PIP4P2: variants seen among roughly 807,000 people sequenced by gnomAD.
PIP4P2 encodes the protein type 2 phosphatidylinositol 4,5-bisphosphate 4-phosphatase.
In PIP4P2, 19 loss-of-function variants were observed where a neutral mutation model predicts 33.3. The ratio of observed to expected loss-of-function variants is 0.57; its 90% CI spans 0.40 to 0.84. The LOEUF (loss-of-function observed/expected upper bound fraction) is 0.84, where lower values mean the gene tolerates loss of function less well. Among genes scored for constraint, PIP4P2 ranks in the 40% least tolerant of loss-of-function variants. The pLI is 0.00. For synonymous variants in PIP4P2, 110 were observed against 111.9 expected (o/e 0.98, Z 0.11); for missense variants, 270 against 324.7 (o/e 0.83, Z 1.29).
intron 1 of PIP4P2, among the ~76,000 whole-genome samples, chr8:91,034,088 G>A (rs1455698558): frequency 6.6e-6 from 1 of 151,986 alleles, no homozygotes. Context: ...TTTCCTGGAC[G>A]CTCATCTCAA....
chr8:91,040,838 T>TGCTGCC lies in PIP4P2; in HGVS notation c.-95_-90dup, dbSNP rs1812298243. The stretch of plus-strand genomic sequence containing the variant: ...CTACTGCTGCTGCCTCTGCTGCCGC[T>TGCTGCC]GCTGCCGCTGCAGCTGCTGCTGCTG... On this transcript the variant is annotated 5_prime_UTR_variant, in exon 1 of 7. Transcript: ENST00000285419. The TGCTGCC allele has an allele frequency of 9.0e-7, 1 of 1,107,750 alleles. No individual in the cohort carries two copies. Among genetic ancestry groups the TGCTGCC allele is most frequent in the Non-Finnish European group, 1.3e-6 (1 of 788,588 alleles). 68.6% of individuals were successfully genotyped at this position (1,107,750 alleles called of 1,614,324 possible). A position where few individuals can be genotyped will look rare whatever the true frequency, so the allele number is the denominator to read the frequency against.
intron 4 of PIP4P2, among the ~76,000 whole-genome samples, chr8:91,015,372 C>A (rs190179235): frequency 6.6e-6 from 1 of 152,008 alleles, no homozygotes; most frequent in East Asian, 1.9e-4. Flanking sequence ...GAGGAGGAGA[C>A]AGTTTTCACC....
rs554289062 is a variant in PIP4P2, at chr8:90,994,806, A to G, written c.*871T>C. ...TTACCATGATCTAAGGGAAAGGGGC[A>G]CAACCCAATGTAAATATATCTTTGG... On this transcript the variant is annotated 3_prime_UTR_variant, in exon 7 of 7. Coordinates refer to ENST00000285419, the MANE Select transcript of PIP4P2 (RefSeq NM_018710.3). The G allele has an allele frequency of 6.6e-6, 1 of 152,236 alleles. No homozygotes were observed. The highest frequency in any genetic ancestry group is 6.5e-5 in the Admixed American group (1 of 15,294). 9.4% of individuals were successfully genotyped at this position (152,236 alleles called of 1,614,324 possible).
At chr8:91,028,389 G>T (rs376688749) in intron 1 of PIP4P2, among the ~76,000 whole-genome samples, 8 of 152,148 alleles carry the variant, frequency 5.3e-5, no homozygotes, top group African/African-American at 1.9e-4. Context: ...CTATTTACAA[G>T]ACTGTGTACT....
rs1036472756 is a variant in PIP4P2 at position 90,999,837 on chromosome 8, T to TATA, written c.540-3096_540-3094dup. Among the ~76,000 whole-genome samples the TATA allele has an allele frequency of 4.3e-4, 65 of 152,082 alleles. 1 individual carries two copies. The highest frequency in any genetic ancestry group is 6.9e-4 in the Non-Finnish European group (47 of 67,952). ...TCATGTGTTCCTTCCTCAAATTGTATATAGCTGTTCTTACATCTAGTCTTA... is the reference window on the plus strand; with the variant it reads ...TCATGTGTTCCTTCCTCAAATTGTATATAATAGCTGTTCTTACATCTAGTCTTA... On this transcript the variant is annotated intron_variant, in intron 5 of 6. Coordinates refer to ENST00000285419, the MANE Select transcript of PIP4P2 (RefSeq NM_018710.3).
intron 3 of PIP4P2, among the ~76,000 whole-genome samples, chr8:91,019,649 T>A (rs997158969): frequency 4.0e-5 from 6 of 150,926 alleles, no homozygotes; most frequent in African/African-American, 2.4e-5. Flanking sequence ...TCATAGCTCA[T>A]TGAAGGCTTT....
chr8:91,004,092 G>GTTCT (rs1172544863), intron 5 of PIP4P2, among the ~76,000 whole-genome samples: 2 of 152,118 alleles, frequency 1.3e-5, no homozygotes, highest in Admixed American at 1.3e-4. Flanking sequence ...CAGGGGATCT[G>GTTCT]TAAGAGTCCC....
At chr8:91,026,606 C>A (rs1812087198) in intron 1 of PIP4P2, among the ~76,000 whole-genome samples, 1 of 152,136 alleles carries the variant, frequency 6.6e-6, no homozygotes, top group Admixed American at 6.6e-5. Flanking sequence ...GTTTACCTTA[C>A]AGTTACCTAG....
intron 1 of PIP4P2, among the ~76,000 whole-genome samples, chr8:91,036,621 A>C (rs1235476105): frequency 6.6e-6 from 1 of 152,204 alleles, no homozygotes; most frequent in Non-Finnish European, 1.5e-5. Context: ...TTATTACAAT[A>C]ATCAAGGAAG....
intron 1 of PIP4P2, 100 bp from the exon 2 acceptor site, chr8:91,021,504 T>TC: frequency 7.3e-7 from 1 of 1,369,138 alleles, no homozygotes; most frequent in South Asian, 1.5e-5. Context: ...ATCAAGATTT[T>TC]CCCACGTTCT....
Position 91,018,459 on chromosome 8 carries a change from A to G in PIP4P2, c.417T>C (p.Ala139=). Residue 139 remains alanine, a synonymous_variant, in exon 4 of 7, where the codon GCT becomes GCC. Transcript: ENST00000285419. The part of the protein sequence containing the change: ...PVMLISEEQP[A]QPALPIQPEG... ...CTGGTTGGATTGGCAATGCAGGCTG[A>G]GCTGGTTGTTCTTCAGAAATAAGCA... The G allele has an allele frequency of 3.7e-6, 6 of 1,614,016 alleles. No homozygotes were observed. The highest frequency in any genetic ancestry group is 5.1e-6 in the Non-Finnish European group (6 of 1,179,930).
At chr8:91,026,803 C>G (rs1812089030) in intron 1 of PIP4P2, among the ~76,000 whole-genome samples, 1 of 152,112 alleles carries the variant, frequency 6.6e-6, no homozygotes, top group Non-Finnish European at 1.5e-5. Flanking sequence ...AAACTCCTTA[C>G]CAATGGGAAA....
intron 5 of PIP4P2, among the ~76,000 whole-genome samples, chr8:91,002,236 T>C (rs1044801648): frequency 6.6e-6 from 1 of 152,136 alleles, no homozygotes; most frequent in Non-Finnish European, 1.5e-5. Flanking sequence ...CCAACTGTCA[T>C]ATGAGCTGAG....
At chr8:91,018,548 C>G in intron 3 of PIP4P2, 35 bp from the exon 4 acceptor site, 1 of 1,612,854 alleles carries the variant, frequency 6.2e-7, no homozygotes, top group Non-Finnish European at 8.5e-7. Context: ...TTCACTATCC[C>G]ACAAATGGAC....
chr8:91,005,356 G>A (rs2130354501), intron 5 of PIP4P2, among the ~76,000 whole-genome samples: 1 of 152,048 alleles, frequency 6.6e-6, no homozygotes, highest in South Asian at 2.1e-4. Flanking sequence ...TCCTTCTACA[G>A]TGCACCCTCT....
intron 4 of PIP4P2, among the ~76,000 whole-genome samples, chr8:91,011,563 C>T (rs1158926037): frequency 6.6e-6 from 1 of 151,962 alleles, no homozygotes; most frequent in Non-Finnish European, 1.5e-5. Flanking sequence ...ATGGTATATG[C>T]TAAAACTGCT....
intron 5 of PIP4P2, among the ~76,000 whole-genome samples, chr8:91,006,438 C>T (rs553720395): frequency 2.0e-5 from 3 of 152,292 alleles, no homozygotes; most frequent in East Asian, 3.9e-4. Context: ...TAACAAATCA[C>T]GGAGTATTCA....
rs898261156 is a variant in PIP4P2 at position 90,994,313 on chromosome 8, T to C, written c.*1364A>G. 6.6e-6 allele frequency: 1 copy of C among 152,150 alleles called. No individual in the cohort carries two copies. The highest frequency in any genetic ancestry group is 1.5e-5 in the Non-Finnish European group (1 of 67,966). 9.4% of individuals were successfully genotyped at this position (152,150 alleles called of 1,614,324 possible). On this transcript the variant is annotated 3_prime_UTR_variant, in exon 7 of 7. Transcript: ENST00000285419. ...TTATTAGTGTATTTTTAAAGGTACA[T>C]ATAATCCTGAGCTACAGCATTTATA... is the stretch of plus-strand genomic sequence containing the variant.
rs1811597952 is a variant in PIP4P2 at position 90,994,183 on chromosome 8, G to A, written c.*1494C>T. On this transcript the variant is annotated 3_prime_UTR_variant, in exon 7 of 7. Transcript: ENST00000285419. ...TAAATGAATATTATATAAAGAAACAGGTACATTCCTAAACATGAAAACTTT... is the reference window on the plus strand; with the variant it reads ...TAAATGAATATTATATAAAGAAACAAGTACATTCCTAAACATGAAAACTTT... 1 of 151,902 alleles carries A rather than the reference G, an allele frequency of 6.6e-6. No individual in the cohort carries two copies. The highest frequency in any genetic ancestry group is 1.5e-5 in the Non-Finnish European group (1 of 67,914). 9.4% of individuals were successfully genotyped at this position (151,902 alleles called of 1,614,324 possible).
Sources: gnomAD v4.1 joint callset for allele counts (sites outside exome capture counted in the v4.1 genomes callset) on GRCh38, gnomAD v4.1.1 for gene constraint, MANE v1.5 for transcripts, NCBI Gene and HGNC (gene_info 2026-07-23, HGNC 2026-07-21) for gene names.